The following CHCHD3 variants were observed in gnomAD, a reference collection of about 807,000 sequenced individuals.
CHCHD3 encodes the protein coiled-coil-helix-coiled-coil-helix domain containing 3.
CHCHD3 carries 20 observed loss-of-function variants against 38.2 expected under a neutral mutation model. The observed-to-expected ratio is 0.52, with a 90% CI of 0.37 to 0.76. The LOEUF (loss-of-function observed/expected upper bound fraction) is 0.76, where lower values mean the gene tolerates loss of function less well. Among genes scored for constraint, CHCHD3 ranks in the 30% least tolerant of loss-of-function variants. The pLI is 0.00. For synonymous variants in CHCHD3, 82 were observed against 100.0 expected, an observed-to-expected ratio of 0.82 and a Z score of 1.07; for missense variants, 245 against 279.2, an observed-to-expected ratio of 0.88 and a Z score of 0.87.
intron 4 of CHCHD3, among the ~76,000 whole-genome samples, chr7:132,962,702 T>C (rs7778962): frequency 0.97 from 147,326 of 152,282 alleles, 71,470 homozygotes; most frequent in Middle Eastern, 1. Flanking sequence ...TTTTCCTCAA[T>C]TCACCCACAA....
chr7:132,785,675 GAA>G lies in CHCHD3; in HGVS notation c.661-17_661-16del. The G allele has an allele frequency of 3.1e-6, 5 of 1,613,868 alleles. No homozygotes were observed. The highest frequency in any genetic ancestry group is 2.5e-6 in the Non-Finnish European group (3 of 1,179,846). On this transcript the variant is annotated splice_polypyrimidine_tract_variant and intron_variant, in intron 7 of 7. Transcript: ENST00000262570. ...TCAAGCATGCTCTGCAAGAAAAACA[GAA>G]AGAGTAAGTTTTACCACCGGGAGAG...
At chr7:132,817,228 C>T (rs535470830) in intron 6 of CHCHD3, among the ~76,000 whole-genome samples, 1 of 150,172 alleles carries the variant, frequency 6.7e-6, no homozygotes, top group Non-Finnish European at 1.5e-5. Context: ...TTGGGCATTA[C>T]CCATAATGTA....
intron 2 of CHCHD3, among the ~76,000 whole-genome samples, chr7:133,069,920 G>C (rs1814770324): frequency 6.6e-6 from 1 of 152,184 alleles, no homozygotes; most frequent in Admixed American, 6.5e-5. Flanking sequence ...GGATTCAAGA[G>C]TGGGAAGAGA....
rs1448922253 is a variant in CHCHD3 at position 132,885,744 on chromosome 7, G to A, written c.371C>T (p.Ala124Val). 6.2e-7 allele frequency: 1 copy of A among 1,605,312 alleles called. No individual in the cohort carries two copies. Among genetic ancestry groups the A allele is most frequent in the Non-Finnish European group, 8.5e-7 (1 of 1,177,046 alleles). ...TCGGTCTTTCTCTTCCAGCTGCCTAGCCTAAAAAAAGAAATGAGGAATATA... is the reference window on the plus strand; with the variant it reads ...TCGGTCTTTCTCTTCCAGCTGCCTAACCTAAAAAAAGAAATGAGGAATATA... ...EEERAKAKHLARQLEEKDRVL... is the reference protein window; with the variant it reads ...EEERAKAKHLVRQLEEKDRVL... Residue 124 changes from alanine to valine, a missense_variant and splice_region_variant, in exon 5 of 8, where the codon GCT (alanine) becomes GTT (valine). Ala to Val is a moderately conservative substitution (Grantham distance 64). Coordinates refer to ENST00000262570, the MANE Select transcript of CHCHD3 (RefSeq NM_017812.4).
intron 2 of CHCHD3, among the ~76,000 whole-genome samples, chr7:133,064,281 C>T (rs1013083633): frequency 2.0e-5 from 3 of 152,166 alleles, no homozygotes; most frequent in African/African-American, 7.2e-5. Flanking sequence ...AATATGCTGA[C>T]TTAGAGAATT....
At chr7:132,872,805 T>C (rs974920782) in intron 5 of CHCHD3, among the ~76,000 whole-genome samples, 2 of 152,044 alleles carry the variant, frequency 1.3e-5, no homozygotes, top group Non-Finnish European at 2.9e-5. Flanking sequence ...CCACCAAAAA[T>C]CTTTTTAAAG....
intron 4 of CHCHD3, among the ~76,000 whole-genome samples, chr7:132,968,944 T>C (rs1245616471): frequency 2.6e-5 from 4 of 152,160 alleles, no homozygotes; most frequent in Admixed American, 6.6e-5. Context: ...TTTTTTACCA[T>C]GAAATTTCAA....
intron 5 of CHCHD3, among the ~76,000 whole-genome samples, chr7:132,882,461 CTATATA>C (rs71178065): frequency 0.022 from 2,919 of 134,654 alleles, 82 homozygotes; most frequent in African/African-American, 0.062. Flanking sequence ...ACAATATATT[CTATATA>C]TATATATATA....
chr7:132,901,966 T>C (rs1007941057), intron 4 of CHCHD3, among the ~76,000 whole-genome samples: 1 of 152,204 alleles, frequency 6.6e-6, no homozygotes, highest in African/African-American at 2.4e-5. Flanking sequence ...GTTTTAGGTC[T>C]AACATTTAAG....
Position 132,903,063 on chromosome 7 carries a change from A to G in CHCHD3, c.370-17318T>C, listed in dbSNP as rs141950464. Among the ~76,000 whole-genome samples the G allele has an allele frequency of 7.2e-3, 1,098 of 152,302 alleles. 15 individuals are homozygous for G. The highest frequency in any genetic ancestry group is 0.026 in the African/African-American group (1,077 of 41,558). ...CCTGTAACTATATAATCACACTAGA[A>G]AGCCTCACTGCACAGCAATGTGAAG... On this transcript the variant is annotated intron_variant, in intron 4 of 7. Transcript: ENST00000262570.
rs554120577 is a variant in CHCHD3 at position 132,810,160 on chromosome 7, TA to T, written c.525-13584del. Among the ~76,000 whole-genome samples, 144 of 152,350 alleles carry T rather than the reference TA, an allele frequency of 9.5e-4. 1 individual carries two copies. Among genetic ancestry groups the T allele is most frequent in the African/African-American group, 3.3e-3 (136 of 41,576 alleles). ...CATGATAACATTATTTACTAATTCT[TA>T]GAAAATAAGTGCAGCATGCATCCAA... On this transcript the variant is annotated intron_variant, in intron 6 of 7. Coordinates refer to ENST00000262570, the MANE Select transcript of CHCHD3 (RefSeq NM_017812.4).
chr7:133,037,769 C>A (rs536152687), intron 2 of CHCHD3, among the ~76,000 whole-genome samples: 19 of 152,252 alleles, frequency 1.2e-4, no homozygotes, highest in African/African-American at 4.1e-4. Context: ...GCCGAGAACA[C>A]GCCACTGCAC....
intron 3 of CHCHD3, among the ~76,000 whole-genome samples, chr7:132,983,432 T>C (rs1811971475): frequency 6.6e-6 from 1 of 152,212 alleles, no homozygotes; most frequent in African/African-American, 2.4e-5. Flanking sequence ...TATTAAGTCA[T>C]AACTGCATAA....
intron 4 of CHCHD3, among the ~76,000 whole-genome samples, chr7:132,965,954 A>G (rs1239127510): frequency 6.6e-6 from 1 of 152,228 alleles, no homozygotes; most frequent in Non-Finnish European, 1.5e-5. Flanking sequence ...TTTCTATGAC[A>G]ATGAAGACAT....
intron 4 of CHCHD3, among the ~76,000 whole-genome samples, chr7:132,919,342 A>G (rs528290364): frequency 6.6e-6 from 1 of 151,624 alleles, no homozygotes; most frequent in South Asian, 2.1e-4. Context: ...CAATCTCCTG[A>G]CCTCGTGATC....
rs992511337 is a variant in CHCHD3, at chr7:132,932,306, G to C, written c.369+42863C>G. Among the ~76,000 whole-genome samples, 4 of 152,142 alleles carry C rather than the reference G, an allele frequency of 2.6e-5. 1 individual carries two copies. Among genetic ancestry groups the C allele is most frequent in the Admixed American group, 1.3e-4 (2 of 15,272 alleles). ...GAGAGCAATGAACACTAGAACTCAGGGTCAGGAGAGAGAGGTGAAAAGAGC... is the reference window on the plus strand; with the variant it reads ...GAGAGCAATGAACACTAGAACTCAGCGTCAGGAGAGAGAGGTGAAAAGAGC... On this transcript the variant is annotated intron_variant, in intron 4 of 7. Transcript: ENST00000262570.
intron 5 of CHCHD3, among the ~76,000 whole-genome samples, chr7:132,856,260 T>G (rs933518318): frequency 6.6e-6 from 1 of 152,186 alleles, no homozygotes; most frequent in Non-Finnish European, 1.5e-5. Flanking sequence ...ACAAAGCATA[T>G]GCGTTCTGTT....
intron 5 of CHCHD3, among the ~76,000 whole-genome samples, chr7:132,870,506 CTGATAT>C (rs1190050748): frequency 1.8e-4 from 28 of 152,250 alleles, no homozygotes; most frequent in African/African-American, 6.7e-4. Context: ...GTGCTGATAA[CTGATAT>C]TTATCCTAAT....
intron 2 of CHCHD3, among the ~76,000 whole-genome samples, chr7:133,032,234 G>T (rs895087475): frequency 2.0e-5 from 3 of 152,180 alleles, no homozygotes; most frequent in Non-Finnish European, 4.4e-5. Flanking sequence ...ATATTCAGCT[G>T]ACAGTTACCT....
Sources: allele counts gnomAD v4.1 joint callset (sites outside exome capture counted in the v4.1 genomes callset), GRCh38; gene constraint gnomAD v4.1.1; transcripts MANE v1.5; gene names NCBI Gene and HGNC (gene_info 2026-07-23, HGNC 2026-07-21).